The following XYLT1 variants were observed in gnomAD, a reference collection of about 807,000 sequenced individuals.
The protein encoded by XYLT1 is xylosyltransferase 1, also known as beta-D-xylosyltransferase 1.
In XYLT1, 36 loss-of-function variants were observed where a neutral mutation model predicts 91.3. That is an observed-to-expected ratio of 0.39 (90% confidence interval 0.30 to 0.52). The LOEUF is 0.52. XYLT1 is among the 20% of genes least tolerant of loss of function. The pLI is 0.68. For synonymous variants in XYLT1, 588 were observed against 532.0 expected, an observed-to-expected ratio of 1.11 and a Z score of -1.45; for missense variants, 1,242 against 1,284.5, an observed-to-expected ratio of 0.97 and a Z score of 0.51.
intron 2 of XYLT1, among the ~76,000 whole-genome samples, chr16:17,337,625 T>C (rs2035000318): frequency 6.6e-6 from 1 of 152,298 alleles, no homozygotes; most frequent in Non-Finnish European, 1.5e-5. Context: ...GATCTCTCCC[T>C]AGCCACCTGC....
At chr16:17,149,102 G>A (rs2031215765) in intron 6 of XYLT1, among the ~76,000 whole-genome samples, 1 of 152,218 alleles carries the variant, frequency 6.6e-6, no homozygotes, top group South Asian at 2.1e-4. Flanking sequence ...ATCAGACAGA[G>A]GGTGGGAAGA....
At chr16:17,205,990 G>A (rs959615186) in intron 3 of XYLT1, among the ~76,000 whole-genome samples, 1 of 152,304 alleles carries the variant, frequency 6.6e-6, no homozygotes, top group Admixed American at 6.5e-5. Flanking sequence ...GGGTTAGGAA[G>A]CTCCCAGCTG....
intron 8 of XYLT1, 160 bp downstream of exon 8, chr16:17,138,195 A>C: frequency 1.3e-6 from 1 of 795,248 alleles, no homozygotes. Flanking sequence ...GTGCTCAATA[A>C]ACACTGGCTA....
chr16:17,367,651 A>G (rs943652386), intron 1 of XYLT1, among the ~76,000 whole-genome samples: 2 of 152,256 alleles, frequency 1.3e-5, no homozygotes, highest in Admixed American at 6.5e-5. Context: ...CGTGAGTTCA[A>G]GAAAAGCACT....
intron 1 of XYLT1, among the ~76,000 whole-genome samples, chr16:17,361,943 C>T (rs962975801): frequency 2.0e-5 from 3 of 152,078 alleles, no homozygotes; most frequent in Admixed American, 6.6e-5. Context: ...TTTCGTTTAC[C>T]CCTGTAATAA....
chr16:17,258,510 A>G (rs1371861725), intron 3 of XYLT1, among the ~76,000 whole-genome samples: 1 of 152,090 alleles, frequency 6.6e-6, no homozygotes, highest in African/African-American at 2.4e-5. Context: ...ACATATGAGG[A>G]AGAAAGAGAA....
intron 2 of XYLT1, among the ~76,000 whole-genome samples, chr16:17,334,118 C>A (rs1161376297): frequency 2.6e-5 from 4 of 152,198 alleles, no homozygotes; most frequent in African/African-American, 9.7e-5. Flanking sequence ...CAGAGAGCAA[C>A]CCTCACCAGA....
rs1966781719 is a variant in XYLT1 at position 17,106,771 on chromosome 16, A to T, written c.*1924T>A. 1.3e-5 allele frequency: 2 copies of T among 151,588 alleles called. No individual in the cohort carries two copies. The highest frequency in any genetic ancestry group is 4.9e-5 in the African/African-American group (2 of 41,218). The allele number at this position is 151,588 out of a possible 1,614,324, so 9.4% of individuals were successfully genotyped here. On this transcript the variant is annotated 3_prime_UTR_variant, in exon 12 of 12. Coordinates refer to ENST00000261381, the MANE Select transcript of XYLT1 (RefSeq NM_022166.4). ...GGATGGGAGGCTCAGGAATTCCAAT[A>T]CTCTTGGAATCCGAGGGAGAGTGAG...
chr16:17,385,706 G>A (rs1348029544), intron 1 of XYLT1, among the ~76,000 whole-genome samples: 2 of 151,938 alleles, frequency 1.3e-5, no homozygotes, highest in South Asian at 2.1e-4. Flanking sequence ...CATGCATTTG[G>A]TCAATAGAGA....
At chr16:17,201,622 G>T (rs974724275) in intron 3 of XYLT1, among the ~76,000 whole-genome samples, 1 of 151,878 alleles carries the variant, frequency 6.6e-6, no homozygotes, top group African/African-American at 2.4e-5. Context: ...TTACAGGCAC[G>T]CAACACCATG....
At chr16:17,309,448 C>A (rs1167588297) in intron 2 of XYLT1, among the ~76,000 whole-genome samples, 1 of 152,092 alleles carries the variant, frequency 6.6e-6, no homozygotes, top group Non-Finnish European at 1.5e-5. Context: ...GCTGACCACC[C>A]CATACCTGGG....
intron 1 of XYLT1, chr16:17,369,531 C>T (rs1472837531): frequency 1.3e-5 from 2 of 152,132 alleles, no homozygotes; most frequent in Admixed American, 1.3e-4. Context: ...CACCACCATA[C>T]CTTACCCCTC....
At chr16:17,130,882 GCC>G (rs34873923) in intron 9 of XYLT1, among the ~76,000 whole-genome samples, 1 of 152,108 alleles carries the variant, frequency 6.6e-6, no homozygotes, top group African/African-American at 2.4e-5. Flanking sequence ...GCTTTCTCTA[GCC>G]CCCTTTTGTT....
chr16:17,297,305 G>T (rs7202004), intron 2 of XYLT1, among the ~76,000 whole-genome samples: 1 of 152,086 alleles, frequency 6.6e-6, no homozygotes, highest in Non-Finnish European at 1.5e-5. Flanking sequence ...AGTGGCTCAC[G>T]CCTATAATCC....
intron 1 of XYLT1, among the ~76,000 whole-genome samples, chr16:17,363,253 G>C (rs947762389): frequency 5.3e-5 from 8 of 152,228 alleles, no homozygotes; most frequent in Admixed American, 3.3e-4. Context: ...GAATTATTCA[G>C]TGGGAAAAGA....
chr16:17,397,825 CTCTT>C lies in XYLT1; in HGVS notation c.364-39779_364-39776del, dbSNP rs1212048475. On this transcript the variant is annotated intron_variant, in intron 1 of 11. Transcript: ENST00000261381. ...CTAGGGCACTCCATAGTTTGAATAG[CTCTT>C]TTTTTTTTTTTTTTTTTTTGAGACA... is the stretch of plus-strand genomic sequence containing the variant. Among the ~76,000 whole-genome samples the C allele has an allele frequency of 1.0e-4, 14 of 136,646 alleles. No individual in the cohort carries two copies. The East Asian group carries it at 2.8e-3, about 27-fold the overall frequency. 89.6% of individuals were successfully genotyped at this position (136,646 alleles called of 152,430 possible). A position where few individuals can be genotyped will look rare whatever the true frequency, so the allele number is the denominator to read the frequency against.
intron 2 of XYLT1, among the ~76,000 whole-genome samples, chr16:17,308,633 C>T (rs1390531414): frequency 6.6e-6 from 1 of 152,196 alleles, no homozygotes; most frequent in East Asian, 1.9e-4. Context: ...CCACCACAAT[C>T]CCTAGCTTCT....
At chr16:17,115,709 C>G (rs1966850626) in intron 11 of XYLT1, among the ~76,000 whole-genome samples, 1 of 143,874 alleles carries the variant, frequency 7.0e-6, no homozygotes, top group African/African-American at 2.6e-5. Context: ...TGGTCTCGAA[C>G]TCCTGGTGTC....
intron 2 of XYLT1, among the ~76,000 whole-genome samples, chr16:17,317,068 C>T (rs1331186097): frequency 2.7e-5 from 4 of 149,252 alleles, no homozygotes; most frequent in Non-Finnish European, 4.5e-5. Context: ...GTGATCCGCC[C>T]GCCTCGGCCT....
Sources: gnomAD v4.1 joint callset for allele counts (sites outside exome capture counted in the v4.1 genomes callset) on GRCh38, gnomAD v4.1.1 for gene constraint, MANE v1.5 for transcripts, NCBI Gene and HGNC (gene_info 2026-07-23, HGNC 2026-07-21) for gene names.